Variants in DPYD observed in about 807,000 individuals in gnomAD.
DPYD encodes dihydropyrimidine dehydrogenase [NADP(+)].
In DPYD, 109 loss-of-function variants were observed where a neutral mutation model predicts 116.2. That is an observed-to-expected ratio of 0.94 (90% CI 0.80 to 1.10). The LOEUF is 1.10. DPYD is among the 50% of genes least tolerant of loss of function. DPYD has a pLI of 0.00. For missense variants in DPYD, 1,302 were observed against 1,254.5 expected (o/e 1.04, Z -0.57); for synonymous variants, 440 against 432.0 (o/e 1.02, Z -0.23).
chr1:97,131,464 C>T (rs1653333712), intron 20 of DPYD, among the ~76,000 whole-genome samples: 1 of 151,850 alleles, frequency 6.6e-6, no homozygotes, highest in South Asian at 2.1e-4. Flanking sequence ...TCTCTTACCT[C>T]CACCTGAGAA....
intron 14 of DPYD, among the ~76,000 whole-genome samples, chr1:97,411,085 A>G (rs1039626129): frequency 1.3e-5 from 2 of 152,200 alleles, no homozygotes; most frequent in African/African-American, 2.4e-5. Context: ...TCTAAAGGGC[A>G]TGCATTCTGA....
intron 3 of DPYD, among the ~76,000 whole-genome samples, chr1:97,811,133 C>T (rs935516177): frequency 1.3e-5 from 2 of 152,002 alleles, no homozygotes; most frequent in African/African-American, 4.8e-5. Context: ...GTCAAATCTT[C>T]CTATAATTTG....
intron 20 of DPYD, among the ~76,000 whole-genome samples, chr1:97,102,358 A>C (rs1228636749): frequency 6.9e-6 from 1 of 145,502 alleles, no homozygotes; most frequent in African/African-American, 2.5e-5. Context: ...GAAAGATGAA[A>C]ATATTTCCGG....
chr1:97,266,717 C>T (rs963835509), intron 18 of DPYD, among the ~76,000 whole-genome samples: 3 of 151,966 alleles, frequency 2.0e-5, no homozygotes, highest in Non-Finnish European at 4.4e-5. Context: ...GTCTGATGTT[C>T]TCTGCCCTGT....
At chr1:97,572,063 G>A (rs1652937339) in intron 11 of DPYD, among the ~76,000 whole-genome samples, 2 of 151,730 alleles carry the variant, frequency 1.3e-5, no homozygotes, top group South Asian at 2.1e-4. Context: ...ATTTCTACAG[G>A]CAGTTTATTA....
intron 19 of DPYD, among the ~76,000 whole-genome samples, chr1:97,213,572 A>G (rs1029977613): frequency 6.6e-6 from 1 of 152,180 alleles, no homozygotes; most frequent in Non-Finnish European, 1.5e-5. Flanking sequence ...GAATGGTTAA[A>G]ACTTCTAAAT....
At chr1:97,467,368 C>T (rs1677391362) in intron 13 of DPYD, among the ~76,000 whole-genome samples, 1 of 152,214 alleles carries the variant, frequency 6.6e-6, no homozygotes, top group African/African-American at 2.4e-5. Context: ...GATTGCAAAT[C>T]AGAAAACATC....
At chr1:97,547,669 T>C (rs557194250) in intron 12 of DPYD, among the ~76,000 whole-genome samples, 2 of 150,818 alleles carry the variant, frequency 1.3e-5, no homozygotes, top group South Asian at 4.2e-4. Flanking sequence ...TCTTTCTCTC[T>C]CGTTGTTTTG....
In DPYD at chr1:97,511,800, AT is replaced by A. The variant is rs1210412290; in HGVS notation, c.1740+3925del. On this transcript the variant is annotated intron_variant, in intron 13 of 22. Coordinates refer to ENST00000370192, the MANE Select transcript of DPYD (RefSeq NM_000110.4). ...ATGCAGTTAGAAGTTAGGCCAGCCGATTTTTACGTATCTTCTTAATATTGTG... is the reference window on the plus strand; with the variant it reads ...ATGCAGTTAGAAGTTAGGCCAGCCGATTTTACGTATCTTCTTAATATTGTG... Among the ~76,000 whole-genome samples, 4 of 151,984 alleles carry A rather than the reference AT, an allele frequency of 2.6e-5. No homozygotes were observed. The East Asian group carries it at 7.8e-4, about 30-fold the overall frequency.
At chr1:97,356,097 CTG>C (rs2101373179) in intron 16 of DPYD, among the ~76,000 whole-genome samples, 2 of 152,240 alleles carry the variant, frequency 1.3e-5, no homozygotes, top group African/African-American at 4.8e-5. Flanking sequence ...CACTTATTAT[CTG>C]TTGTCTTTTT....
intron 14 of DPYD, among the ~76,000 whole-genome samples, chr1:97,438,777 T>C (rs550592846): frequency 1.3e-5 from 2 of 152,100 alleles, no homozygotes; most frequent in Non-Finnish European, 2.9e-5. Context: ...AAGTGATTTT[T>C]TTGGTTGGTT....
chr1:97,262,623 C>T (rs10430075), intron 18 of DPYD, among the ~76,000 whole-genome samples: 33 of 152,082 alleles, frequency 2.2e-4, no homozygotes, highest in East Asian at 2.1e-3. Flanking sequence ...AACTTCTGAA[C>T]GAAGCCTCTA....
At chr1:97,857,548 A>G (rs1170630128) in intron 2 of DPYD, among the ~76,000 whole-genome samples, 1 of 152,184 alleles carries the variant, frequency 6.6e-6, no homozygotes, top group Non-Finnish European at 1.5e-5. Flanking sequence ...GAGAGGATTC[A>G]GAGAGCTTCT....
At chr1:97,201,819 C>T (rs1318910251) in intron 19 of DPYD, among the ~76,000 whole-genome samples, 6 of 151,886 alleles carry the variant, frequency 4.0e-5, no homozygotes, top group Admixed American at 6.6e-5. Flanking sequence ...AGCAGGCTCT[C>T]TCATCTGCTC....
At chr1:97,760,166 A>G (rs942635264) in intron 3 of DPYD, among the ~76,000 whole-genome samples, 1 of 152,134 alleles carries the variant, frequency 6.6e-6, no homozygotes, top group African/African-American at 2.4e-5. Flanking sequence ...GATAACAGAT[A>G]CCTGAGAGAG....
chr1:97,790,513 A>C (rs575140336), intron 3 of DPYD, among the ~76,000 whole-genome samples: 86 of 152,340 alleles, frequency 5.6e-4, no homozygotes, highest in South Asian at 8.3e-4. Flanking sequence ...AATAGTCTGC[A>C]ACAATGTGAT....
At chr1:97,188,296 A>G (rs1463359492) in intron 20 of DPYD, among the ~76,000 whole-genome samples, 2 of 152,154 alleles carry the variant, frequency 1.3e-5, no homozygotes, top group African/African-American at 2.4e-5. Context: ...AAACCTACTG[A>G]AAGTACAGTA....
At chr1:97,148,247 TGTG>T (rs1336953531) in intron 20 of DPYD, among the ~76,000 whole-genome samples, 1 of 126,616 alleles carries the variant, frequency 7.9e-6, no homozygotes, top group Non-Finnish European at 1.6e-5. Flanking sequence ...GGTGTGTGTG[TGTG>T]TGTGGGGGGG....
intron 14 of DPYD, among the ~76,000 whole-genome samples, chr1:97,430,461 T>G (rs1260615867): frequency 6.6e-6 from 1 of 152,150 alleles, no homozygotes; most frequent in Non-Finnish European, 1.5e-5. Context: ...TTATGGCATA[T>G]GTCCTTTATT....
Sources: gnomAD v4.1 joint callset for allele counts (sites outside exome capture counted in the v4.1 genomes callset) on GRCh38, gnomAD v4.1.1 for gene constraint, MANE v1.5 for transcripts, NCBI Gene and HGNC (gene_info 2026-07-23, HGNC 2026-07-21) for gene names.